PPARD: variants seen among roughly 807,000 people sequenced by gnomAD.
PPARD encodes peroxisome proliferator-activated receptor delta.
In PPARD, 6 loss-of-function variants were observed where a neutral mutation model predicts 39.5. The observed-to-expected ratio is 0.15, with a 90% confidence interval of 0.08 to 0.30. The LOEUF is 0.30. PPARD is among the 10% of genes least tolerant of loss of function. The probability of loss-of-function intolerance (pLI) is 1.00; values close to 1 mark genes in which losing one functional copy is unlikely to be tolerated. For missense variants in PPARD, 397 were observed against 596.8 expected (o/e 0.67, Z 3.49); for synonymous variants, 210 against 231.3 (o/e 0.91, Z 0.83).
At chr6:35,368,525 G>A (rs73745201) in intron 2 of PPARD, among the ~76,000 whole-genome samples, 7,251 of 152,232 alleles carry the variant, frequency 0.048, 345 homozygotes, top group African/African-American at 0.12. Context: ...CAGGGATGGC[G>A]TCCAGGAACC....
chr6:35,425,784 A>C lies in PPARD; in HGVS notation c.1079-48A>C. ...TCACCTCTTGGGGTGGAAGTAGGGG[A>C]GCTCCACTGCCTTTCTGAGCTCCCT... On this transcript the variant is annotated intron_variant, in intron 7 of 7. Coordinates refer to ENST00000360694, the MANE Select transcript of PPARD (RefSeq NM_006238.5). The surrounding 1 kb of genome is among the most constrained non-coding windows in gnomAD (Gnocchi z 4.5). 1 of 1,599,564 alleles carries C rather than the reference A, an allele frequency of 6.3e-7. No homozygotes were observed. Among genetic ancestry groups the C allele is most frequent in the Non-Finnish European group, 8.5e-7 (1 of 1,173,238 alleles).
chr6:35,424,267 A>T lies in PPARD; in HGVS notation c.628-62A>T. 6.3e-7 allele frequency: 1 copy of T among 1,596,308 alleles called. No homozygotes were observed. Among genetic ancestry groups the T allele is most frequent in the Non-Finnish European group, 8.6e-7 (1 of 1,169,404 alleles). ...CTCAACTTCATGGTGCAGGCAAGGG[A>T]CATGGGGAGCACAGGGTGGGGGTCT... On this transcript the variant is annotated intron_variant, in intron 6 of 7. Transcript: ENST00000360694. The surrounding 1 kb of genome is among the most constrained non-coding windows in gnomAD (Gnocchi z 7.1).
intron 2 of PPARD, among the ~76,000 whole-genome samples, chr6:35,374,857 C>G (rs1762715699): frequency 6.6e-6 from 1 of 152,022 alleles, no homozygotes; most frequent in South Asian, 2.1e-4. Context: ...TCATCCACAT[C>G]CCCCTGGTCA....
chr6:35,387,602 T>C lies in PPARD; in HGVS notation c.-101-23385T>C, dbSNP rs546538576. ...GTGTGTTTTTATCCTCATCCTGCTC[T>C]TCACCGTGGCAGTGGGGAGCACACT... On this transcript the variant is annotated intron_variant, in intron 2 of 7. Coordinates refer to ENST00000360694, the MANE Select transcript of PPARD (RefSeq NM_006238.5). Among the ~76,000 whole-genome samples the C allele has an allele frequency of 3.3e-5, 5 of 151,928 alleles. No individual in the cohort carries two copies. In the South Asian group the frequency reaches 1.0e-3, roughly 32 times the overall value.
intron 2 of PPARD, among the ~76,000 whole-genome samples, chr6:35,352,034 C>T (rs1171837790): frequency 6.6e-6 from 1 of 151,558 alleles, no homozygotes; most frequent in East Asian, 1.9e-4. Flanking sequence ...ATGCCCACCT[C>T]ATTTTTTAAC....
chr6:35,349,497 C>G (rs1761107378), intron 2 of PPARD, among the ~76,000 whole-genome samples: 1 of 152,148 alleles, frequency 6.6e-6, no homozygotes, highest in Non-Finnish European at 1.5e-5. Flanking sequence ...AAAAGAATCT[C>G]ATGTTTTAAT....
At chr6:35,419,181 A>C (rs1278237378) in intron 3 of PPARD, among the ~76,000 whole-genome samples, 2 of 152,162 alleles carry the variant, frequency 1.3e-5, no homozygotes, top group African/African-American at 4.8e-5. Context: ...TTGCTCAGTC[A>C]TTAGAGAAGA....
chr6:35,423,998 G>A lies in PPARD; in HGVS notation c.477G>A (p.Gly159=), dbSNP rs1226991973. ...PEAEKRKLVA[G]LTANEGSQYN... is the part of the protein sequence containing the mutation. The stretch of plus-strand genomic sequence containing the variant: ...CTGAGAAGAGGAAGCTGGTGGCAGG[G>A]CTGACTGCAAACGAGGGGAGCCAGT... Residue 159 remains glycine (G), a synonymous_variant, in exon 6 of 8, where the codon GGG becomes GGA. Transcript: ENST00000360694. 5.0e-6 allele frequency: 8 copies of A among 1,614,210 alleles called. No individual in the cohort carries two copies. Among genetic ancestry groups the A allele is most frequent in the Non-Finnish European group, 5.9e-6 (7 of 1,180,042 alleles).
chr6:35,401,992 C>T lies in PPARD; in HGVS notation c.-101-8995C>T, dbSNP rs1202718324. 1.3e-5 allele frequency among the ~76,000 whole-genome samples: 2 copies of T among 152,106 alleles called. No homozygotes were observed. The highest frequency in any genetic ancestry group is 2.9e-5 in the Non-Finnish European group (2 of 68,014). On this transcript the variant is annotated intron_variant, in intron 2 of 7. Transcript: ENST00000360694. The surrounding 1 kb of genome is among the most constrained non-coding windows in gnomAD (Gnocchi z 4.1). Reference sequence around the variant, plus strand: ...TCCATGTAGTGTGAGGGGTCTCAGGCCCATTCAGGCTTCAGTAGGAGAGAT... The same window carrying T: ...TCCATGTAGTGTGAGGGGTCTCAGGTCCATTCAGGCTTCAGTAGGAGAGAT...
chr6:35,384,529 T>G (rs1581593492), intron 2 of PPARD, among the ~76,000 whole-genome samples: 1 of 93,838 alleles, frequency 1.1e-5, no homozygotes, highest in Admixed American at 9.9e-5. Context: ...GTCCGGGAGG[T>G]GAGGGGCGCC....
At chr6:35,382,310 A>G (rs1016312991) in intron 2 of PPARD, among the ~76,000 whole-genome samples, 2 of 152,306 alleles carry the variant, frequency 1.3e-5, no homozygotes, top group East Asian at 1.9e-4. Context: ...GGTCGTTGTC[A>G]GGAGGCATGT....
intron 2 of PPARD, among the ~76,000 whole-genome samples, chr6:35,388,373 G>A (rs1763806900): frequency 6.6e-6 from 1 of 152,096 alleles, no homozygotes; most frequent in Admixed American, 6.5e-5. Flanking sequence ...GGCAGGAAGG[G>A]GAGAGCTTCC....
At chr6:35,419,835 G>A (rs1020326208) in intron 3 of PPARD, among the ~76,000 whole-genome samples, 2 of 152,202 alleles carry the variant, frequency 1.3e-5, no homozygotes, top group African/African-American at 2.4e-5. Context: ...ACCCCATGGT[G>A]AGTTCAGCCC....
At chr6:35,380,011 G>T (rs569840682) in intron 2 of PPARD, among the ~76,000 whole-genome samples, 541 of 152,316 alleles carry the variant, frequency 3.6e-3, no homozygotes, top group Non-Finnish European at 6.0e-3. Flanking sequence ...CCTGTTCAAT[G>T]AATCTGATTT....
Position 35,426,204 on chromosome 6 carries a change from C to A in PPARD, c.*125C>A. On this transcript the variant is annotated 3_prime_UTR_variant, in exon 8 of 8. Coordinates refer to ENST00000360694, the MANE Select transcript of PPARD (RefSeq NM_006238.5). Reference sequence around the variant, plus strand: ...GGAGCAGCAGAGTCCCACGATCGCCCTCAGACACATGACACCCACGGCCTC... The same window carrying A: ...GGAGCAGCAGAGTCCCACGATCGCCATCAGACACATGACACCCACGGCCTC... The A allele has an allele frequency of 7.4e-7, 1 of 1,344,920 alleles. No individual in the cohort carries two copies. The highest frequency in any genetic ancestry group is 1.0e-6 in the Non-Finnish European group (1 of 1,002,680). The allele number at this position is 1,344,920 out of a possible 1,614,324, so 83.3% of individuals were successfully genotyped here.
intron 2 of PPARD, among the ~76,000 whole-genome samples, chr6:35,395,521 C>T (rs887577218): frequency 1.3e-5 from 2 of 152,094 alleles, no homozygotes; most frequent in African/African-American, 2.4e-5. Context: ...ATCAAGAGGA[C>T]GTGATGAACT....
intron 2 of PPARD, among the ~76,000 whole-genome samples, chr6:35,377,184 G>A (rs887366561): frequency 1.3e-5 from 2 of 152,106 alleles, no homozygotes; most frequent in South Asian, 4.1e-4. Context: ...CTTCATTTGT[G>A]GGTGCGAAAG....
intron 2 of PPARD, among the ~76,000 whole-genome samples, chr6:35,382,283 CTT>C: frequency 6.6e-6 from 1 of 152,244 alleles, no homozygotes; most frequent in East Asian, 1.9e-4. Context: ...TGCCAGGAGA[CTT>C]TACTCCAGGA....
intron 3 of PPARD, among the ~76,000 whole-genome samples, chr6:35,416,163 C>G (rs983484538): frequency 6.6e-6 from 1 of 151,990 alleles, no homozygotes; most frequent in Admixed American, 6.6e-5. Flanking sequence ...GGGTGGATCA[C>G]CTGAGGTCAG....
Sources: allele counts gnomAD v4.1 joint callset (sites outside exome capture counted in the v4.1 genomes callset), GRCh38; gene constraint gnomAD v4.1.1; non-coding constraint Gnocchi (gnomAD v3.1); transcripts MANE v1.5; gene names NCBI Gene and HGNC (gene_info 2026-07-23, HGNC 2026-07-21).